Variants in MKI67 observed in about 807,000 individuals in gnomAD.
The protein encoded by MKI67 is proliferation marker protein Ki-67.
In MKI67, 152 loss-of-function variants were observed where a neutral mutation model predicts 233.5. That is an observed-to-expected ratio of 0.65 (90% CI 0.57 to 0.74). The LOEUF is 0.74. Among genes scored for constraint, MKI67 ranks in the 30% least tolerant of loss-of-function variants. The pLI is 0.00. For missense variants in MKI67, 3,940 were observed against 3,885.2 expected (o/e 1.01, Z -0.37); for synonymous variants, 1,465 against 1,418.5 (o/e 1.03, Z -0.74).
intron 4 of MKI67, among the ~76,000 whole-genome samples, chr10:128,121,788 T>C (rs1392823728): frequency 6.6e-6 from 1 of 151,344 alleles, no homozygotes. Context: ...TTATTGTATA[T>C]ATTAAACATT....
intron 7 of MKI67, among the ~76,000 whole-genome samples, chr10:128,114,428 A>G (rs1852749721): frequency 6.6e-6 from 1 of 152,206 alleles, no homozygotes; most frequent in Non-Finnish European, 1.5e-5. Context: ...CATGTGGCAT[A>G]TGGACTCATG....
Position 128,107,675 on chromosome 10 carries a change from T to G in MKI67, c.4165A>C (p.Arg1389=). The part of the protein sequence containing the change: ...ESADTPTSTR[R]QPKTPLEKRD... ...TTCTCCAAAGGTGTCTTGGGCTGCC[T>G]TCTTGTGCTTGTTGGGGTGTCTGCT... The change falls in exon 13 of 15, where the codon AGG becomes CGG. Residue 1389 remains arginine, a synonymous_variant. Transcript: ENST00000368654. The G allele has an allele frequency of 6.2e-7, 1 of 1,613,978 alleles. No individual in the cohort carries two copies. Among genetic ancestry groups the G allele is most frequent in the Non-Finnish European group, 8.5e-7 (1 of 1,180,006 alleles).
rs551514879 is a variant in MKI67, at chr10:128,110,832, C to T, written c.2261-299G>A. On this transcript the variant is annotated intron_variant, in intron 11 of 14. Coordinates refer to ENST00000368654, the MANE Select transcript of MKI67 (RefSeq NM_002417.5). Reference sequence around the variant, plus strand: ...GACCCCACACGTGAGCTCTGGAGCACGGAGGCTGGTGACGGGCTCCTGAGA... The same window carrying T: ...GACCCCACACGTGAGCTCTGGAGCATGGAGGCTGGTGACGGGCTCCTGAGA... Among the ~76,000 whole-genome samples the T allele has an allele frequency of 2.0e-5, 3 of 152,296 alleles. No homozygotes were observed. The South Asian group carries it at 6.2e-4, about 32-fold the overall frequency.
chr10:128,105,295 C>T lies in MKI67; in HGVS notation c.6545G>A (p.Arg2182Lys), dbSNP rs866726866. 6.2e-7 allele frequency: 1 copy of T among 1,613,936 alleles called. No homozygotes were observed. The highest frequency in any genetic ancestry group is 1.1e-5 in the South Asian group (1 of 91,084). Residue 2182 changes from arginine (R) to lysine (K), a missense_variant, in exon 13 of 15, where the codon AGA becomes AAA. Transcript: ENST00000368654. ...GGGTTGGGCTTTTCCCTTAGGAGTT[C>T]TTGGCTGCCTCTTGCTACCAGTTAC... ...ASVTGSKRQP[R>K]TPKGKAQPLE... is the part of the protein sequence containing the mutation.
Position 128,125,553 on chromosome 10 carries a change from C to A in MKI67, c.92+23G>T, listed in dbSNP as rs1001384626. 9.4e-6 allele frequency: 15 copies of A among 1,603,382 alleles called. No individual in the cohort carries two copies. Among genetic ancestry groups the A allele is most frequent in the Non-Finnish European group, 1.3e-5 (15 of 1,171,578 alleles). On this transcript the variant is annotated intron_variant, in intron 2 of 14. Transcript: ENST00000368654. The surrounding 1 kb of genome is among the most constrained non-coding windows in gnomAD (Gnocchi z 5.3). ...TTTTCCTCTTTCTCAGCTAAAACGTCCGCGCGCGCCCGCGGGGCTCACCTT... is the reference window on the plus strand; with the variant it reads ...TTTTCCTCTTTCTCAGCTAAAACGTACGCGCGCGCCCGCGGGGCTCACCTT...
intron 12 of MKI67, among the ~76,000 whole-genome samples, chr10:128,109,718 T>C (rs753055223): frequency 3.3e-5 from 5 of 152,230 alleles, no homozygotes; most frequent in Non-Finnish European, 7.3e-5. Context: ...CCCTGTGTCA[T>C]TGACGTAAAT....
rs772285025 is a variant in MKI67 at position 128,102,800 on chromosome 10, A to G, written c.9040T>C (p.Cys3014Arg). Reference protein sequence around the residue: ...GSVTGTKRLRCMPAPEEIVEE... With the variant: ...GSVTGTKRLRRMPAPEEIVEE... ...ACAATTTCCTCTGGTGCTGGCATGC[A>G]GCGCAGCCTCTTGGTTCCCGTGACG... Residue 3014 changes from cysteine (C) to arginine (R), a missense_variant, in exon 13 of 15, where the codon TGC becomes CGC. Physicochemically the swap from Cys to Arg is radical, Grantham distance 180. Coordinates refer to ENST00000368654, the MANE Select transcript of MKI67 (RefSeq NM_002417.5). 6.2e-7 allele frequency: 1 copy of G among 1,614,192 alleles called. No homozygotes were observed. Among genetic ancestry groups the G allele is most frequent in the Non-Finnish European group, 8.5e-7 (1 of 1,180,030 alleles).
chr10:128,105,090 T>C lies in MKI67; in HGVS notation c.6750A>G (p.Glu2250=), dbSNP rs1852448807. 2 of 1,614,128 alleles carry C rather than the reference T, an allele frequency of 1.2e-6. No homozygotes were observed. Among genetic ancestry groups the C allele is most frequent in the South Asian group, 1.1e-5 (1 of 91,084 alleles). ...KRSLRKADVE[E]ESLALRKRTP... is the part of the protein sequence containing the mutation. ...TTCGTTTCCTGAGTGCTAAGGATTC[T>C]TCCTCTACGTCTGCTTTCCTGAGAC... The change falls in exon 13 of 15, where the codon GAA becomes GAG. Residue 2250 remains glutamate, a synonymous_variant. Transcript: ENST00000368654.
At chr10:128,110,962 T>G (rs967079968) in intron 11 of MKI67, among the ~76,000 whole-genome samples, 5 of 152,212 alleles carry the variant, frequency 3.3e-5, no homozygotes, top group African/African-American at 1.2e-4. Flanking sequence ...CGTACCCACA[T>G]TTTAGAAAAT....
chr10:128,115,483 G>T lies in MKI67; in HGVS notation c.925C>A (p.Pro309Thr), dbSNP rs749560568. 1.3e-5 allele frequency: 21 copies of T among 1,613,868 alleles called. No homozygotes were observed. Among genetic ancestry groups the T allele is most frequent in the Middle Eastern group, 1.6e-4 (1 of 6,082 alleles). Residue 309 changes from proline (P) to threonine (T), a missense_variant, in exon 7 of 15, where the codon CCT (proline) becomes ACT (threonine). Transcript: ENST00000368654. ...TTGTTCTGGTCAAGCTCTTGTTCAG[G>T]TGAAGCAGGCTCTGCCACAGCGTGG... ...SGHAVAEPASPEQELDQNKGK... is the reference protein window; with the variant it reads ...SGHAVAEPASTEQELDQNKGK...
Position 128,106,646 on chromosome 10 carries a change from T to C in MKI67, c.5194A>G (p.Thr1732Ala), listed in dbSNP as rs768117451. ...GAAGCTCTGTAGGATACTTTGGTAG[T>C]TTTTTCGTTAGTCATTGATTCCTTA... ...HTKESMTNEKTTKVSYRASQP... is the reference protein window; with the variant it reads ...HTKESMTNEKATKVSYRASQP... Residue 1732 changes from threonine (T) to alanine (A), a missense_variant, in exon 13 of 15, where the codon ACT becomes GCT. Transcript: ENST00000368654. 1.4e-5 allele frequency: 22 copies of C among 1,614,014 alleles called. No homozygotes were observed. The highest frequency in any genetic ancestry group is 1.7e-5 in the Non-Finnish European group (20 of 1,180,030).
In MKI67 at chr10:128,115,967, A is replaced by G; in HGVS notation, c.441T>C (p.Thr147=). 6.2e-7 allele frequency: 1 copy of G among 1,606,944 alleles called. No homozygotes were observed. Reference sequence around the variant, plus strand: ...GAGGATTTCCTGAAACTTTTCCTTCAGTGATTTTTGAATAGGCCTTGGAAT... The same window carrying G: ...GAGGATTTCCTGAAACTTTTCCTTCGGTGATTTTTGAATAGGCCTTGGAAT... ...AQDSKAYSKI[T]EGKVSGNPQV... The change falls in exon 7 of 15, where the codon ACT becomes ACC. Residue 147 remains threonine (T), a synonymous_variant. Transcript: ENST00000368654.
In MKI67 at chr10:128,107,925, T is replaced by C. The variant is rs199785291; in HGVS notation, c.3915A>G (p.Glu1305=). The C allele has an allele frequency of 6.2e-7, 1 of 1,613,200 alleles. No homozygotes were observed. Among genetic ancestry groups the C allele is most frequent in the Non-Finnish European group, 8.5e-7 (1 of 1,179,812 alleles). ...CCACAAATATGATGATGTCTTTCTC[T>C]TCACCTACTGATGGTTTAGGCGTGT... ...AMHTPKPSVG[E]EKDIIIFVGT... The change falls in exon 13 of 15, where the codon GAA becomes GAG. Residue 1305 remains glutamate, a synonymous_variant. Coordinates refer to ENST00000368654, the MANE Select transcript of MKI67 (RefSeq NM_002417.5).
chr10:128,105,097 A>G lies in MKI67; in HGVS notation c.6743T>C (p.Val2248Ala). The G allele has an allele frequency of 6.2e-7, 1 of 1,613,668 alleles. No individual in the cohort carries two copies. The highest frequency in any genetic ancestry group is 8.5e-7 in the Non-Finnish European group (1 of 1,179,980). The change falls in exon 13 of 15, where the codon GTA becomes GCA. Residue 2248 changes from valine to alanine, a missense_variant. By Grantham distance (64) the Val-to-Ala change is moderately conservative. Transcript: ENST00000368654. ...CCTGAGTGCTAAGGATTCTTCCTCT[A>G]CGTCTGCTTTCCTGAGACTTCTCTT... is the stretch of plus-strand genomic sequence containing the variant. ...QSKRSLRKAD[V>A]EEESLALRKR...
At chr10:128,113,139 G>A (rs1212479228) in intron 8 of MKI67, among the ~76,000 whole-genome samples, 1 of 152,172 alleles carries the variant, frequency 6.6e-6, no homozygotes, top group Non-Finnish European at 1.5e-5. Flanking sequence ...GGTGCCTGCA[G>A]GTGATTACGC....
intron 4 of MKI67, among the ~76,000 whole-genome samples, chr10:128,120,028 G>C: frequency 6.6e-6 from 1 of 152,230 alleles, no homozygotes; most frequent in Non-Finnish European, 1.5e-5. Context: ...ATCTGAAGCA[G>C]TCACACATCT....
In MKI67 at chr10:128,098,990, A is replaced by G. The variant is rs1023420657; in HGVS notation, c.*200T>C. 3 of 451,546 alleles carry G rather than the reference A, an allele frequency of 6.6e-6. No individual in the cohort carries two copies. Among genetic ancestry groups the G allele is most frequent in the Admixed American group, 4.1e-5 (1 of 24,276 alleles). 28.0% of individuals were successfully genotyped at this position (451,546 alleles called of 1,614,324 possible). Reference sequence around the variant, plus strand: ...TCCTTCACAAAGCCCCCGGTGTTCAACTATTCTCAGTCCAGGAGCCCAGCA... The same window carrying G: ...TCCTTCACAAAGCCCCCGGTGTTCAGCTATTCTCAGTCCAGGAGCCCAGCA... On this transcript the variant is annotated 3_prime_UTR_variant, in exon 15 of 15. Coordinates refer to ENST00000368654, the MANE Select transcript of MKI67 (RefSeq NM_002417.5).
chr10:128,119,699 G>C (rs768381837), intron 4 of MKI67, among the ~76,000 whole-genome samples: 1 of 152,222 alleles, frequency 6.6e-6, no homozygotes, highest in Non-Finnish European at 1.5e-5. Flanking sequence ...TGGAAGGCCA[G>C]CCAGGAAGCC....
In MKI67 at chr10:128,109,417, T is replaced by G. The variant is rs773774228; in HGVS notation, c.2423A>C (p.Asn808Thr). 2 of 1,603,944 alleles carry G rather than the reference T, an allele frequency of 1.2e-6. No homozygotes were observed. The highest frequency in any genetic ancestry group is 2.7e-5 in the African/African-American group (2 of 74,338). Residue 808 changes from asparagine (N) to threonine (T), a missense_variant, in exon 13 of 15, where the codon AAT (asparagine) becomes ACT (threonine). Physicochemically the swap from Asn to Thr is moderately conservative, Grantham distance 65. Coordinates refer to ENST00000368654, the MANE Select transcript of MKI67 (RefSeq NM_002417.5). ...TGCATTCTGTGCACTGAAGAACACA[T>G]TTCCTCCTGAAATAAAAACATACAC... is the stretch of plus-strand genomic sequence containing the variant. The part of the protein sequence containing the change: ...LLPTSESFGG[N>T]VFFSAQNAAK...
Sources: gnomAD v4.1 joint callset for allele counts (sites outside exome capture counted in the v4.1 genomes callset) on GRCh38, gnomAD v4.1.1 for gene constraint, Gnocchi (gnomAD v3.1) non-coding constraint, MANE v1.5 for transcripts, NCBI Gene and HGNC (gene_info 2026-07-23, HGNC 2026-07-21) for gene names.